The following TUBGCP4 variants were observed in gnomAD, a reference collection of about 807,000 sequenced individuals.
The protein encoded by TUBGCP4 is tubulin gamma complex component 4.
A neutral mutation model predicts 91.6 loss-of-function variants in TUBGCP4; 54 were observed. The ratio of observed to expected loss-of-function variants is 0.59; its 90% confidence interval spans 0.47 to 0.74. The LOEUF (loss-of-function observed/expected upper bound fraction) is 0.74. Among genes scored for constraint, TUBGCP4 ranks in the 30% least tolerant of loss-of-function variants. The probability of loss-of-function intolerance (pLI) is 0.00; values close to 1 mark genes in which losing one functional copy is unlikely to be tolerated. For synonymous variants in TUBGCP4, 297 were observed against 302.8 expected (o/e 0.98, Z 0.20); for missense variants, 593 against 800.9 (o/e 0.74, Z 3.13).
chr15:43,400,317 T>A (rs1361319039), intron 14 of TUBGCP4, 96 bp downstream of exon 14: 2 of 1,009,894 alleles, frequency 2.0e-6, no homozygotes, highest in Non-Finnish European at 2.8e-6. Flanking sequence ...TTCTATTTGA[T>A]AAAATGGTGG....
At chr15:43,397,980 T>C (rs1264383587) in intron 12 of TUBGCP4, 61 bp from the exon 13 acceptor site, 1 of 1,536,146 alleles carries the variant, frequency 6.5e-7, no homozygotes, top group African/African-American at 1.4e-5. Context: ...TTGTTGAGTC[T>C]CTGGTTCTAG....
At chr15:43,393,036 G>A (rs1595492356) in intron 9 of TUBGCP4, among the ~76,000 whole-genome samples, 4 of 152,266 alleles carry the variant, frequency 2.6e-5, no homozygotes, top group Admixed American at 2.0e-4. Flanking sequence ...CATACAGTAT[G>A]CACTCTTTTG....
chr15:43,408,644 T>C lies in TUBGCP4; in HGVS notation c.*3430T>C. The C allele has an allele frequency of 4.2e-6, 2 of 478,444 alleles. No individual in the cohort carries two copies. Among genetic ancestry groups the C allele is most frequent in the Non-Finnish European group, 7.6e-6 (2 of 262,964 alleles). The allele number at this position is 478,444 out of a possible 1,614,324, so 29.6% of individuals were successfully genotyped here. A position where few individuals can be genotyped will look rare whatever the true frequency, so the allele number is the denominator to read the frequency against. ...TATATTTTTAATGCTTGCTTAAAACTTAGTTCTCTGACTTTACAGGTTGAG... is the reference window on the plus strand; with the variant it reads ...TATATTTTTAATGCTTGCTTAAAACCTAGTTCTCTGACTTTACAGGTTGAG... On this transcript the variant is annotated 3_prime_UTR_variant, in exon 18 of 18. Coordinates refer to ENST00000564079, the MANE Select transcript of TUBGCP4 (RefSeq NM_014444.5).
chr15:43,404,989 G>C (rs1322545607), intron 17 of TUBGCP4: 2 of 581,870 alleles, frequency 3.4e-6, no homozygotes, highest in Non-Finnish European at 6.0e-6. Flanking sequence ...CCAGAGGTCT[G>C]TCATTCCCAT....
chr15:43,397,409 A>G (rs2044599839), intron 12 of TUBGCP4, 88 bp downstream of exon 12: 2 of 1,009,650 alleles, frequency 2.0e-6, no homozygotes, highest in East Asian at 2.4e-5. Context: ...CACAGAAACC[A>G]TATGATTTTG....
Position 43,409,155 on chromosome 15 carries a change from A to G in TUBGCP4, c.*3941A>G. 6.6e-7 allele frequency: 1 copy of G among 1,519,064 alleles called. No homozygotes were observed. Among genetic ancestry groups the G allele is most frequent in the Non-Finnish European group, 9.1e-7 (1 of 1,099,400 alleles). 94.1% of individuals were successfully genotyped at this position (1,519,064 alleles called of 1,614,324 possible). On this transcript the variant is annotated 3_prime_UTR_variant, in exon 18 of 18. Transcript: ENST00000564079. ...TGACTTCTGTGGAAAGCTCCTAAGC[A>G]GCAGCCATAATGAGCCATGAAGAGC...
intron 9 of TUBGCP4, among the ~76,000 whole-genome samples, chr15:43,387,360 G>A (rs746511851): frequency 3.9e-5 from 6 of 152,344 alleles, no homozygotes; most frequent in Non-Finnish European, 5.9e-5. Flanking sequence ...TTGTCTCATG[G>A]ATATGTGATA....
chr15:43,375,945 G>A (rs1335609882), intron 1 of TUBGCP4, among the ~76,000 whole-genome samples, 153 bp from the exon 2 acceptor site: 1 of 152,222 alleles, frequency 6.6e-6, no homozygotes, highest in Admixed American at 6.5e-5. Flanking sequence ...CCCCTTTGAA[G>A]TGCTTTGGAA....
intron 6 of TUBGCP4, 121 bp downstream of exon 6, chr15:43,380,284 A>G (rs2044268312): frequency 3.3e-6 from 3 of 897,990 alleles, no homozygotes; most frequent in Non-Finnish European, 5.2e-6. Context: ...TAACCAGGAT[A>G]GAAAAAGCTC....
In TUBGCP4 at chr15:43,406,650, A is replaced by C. The variant is rs1358260740; in HGVS notation, c.*1436A>C. On this transcript the variant is annotated 3_prime_UTR_variant, in exon 18 of 18. Coordinates refer to ENST00000564079, the MANE Select transcript of TUBGCP4 (RefSeq NM_014444.5). ...TTAGAGAATGAGAAGCCATGCAGGG[A>C]TCAGTGATGCCAGAGGAAGGGAAGG... 3 of 455,416 alleles carry C rather than the reference A, an allele frequency of 6.6e-6. No individual in the cohort carries two copies. Among genetic ancestry groups the C allele is most frequent in the Non-Finnish European group, 1.3e-5 (3 of 226,580 alleles). 28.2% of individuals were successfully genotyped at this position (455,416 alleles called of 1,614,324 possible). A position where few individuals can be genotyped will look rare whatever the true frequency, so the allele number is the denominator to read the frequency against.
At chr15:43,392,635 G>T (rs1239961518) in intron 9 of TUBGCP4, among the ~76,000 whole-genome samples, 1 of 151,736 alleles carries the variant, frequency 6.6e-6, no homozygotes, top group Non-Finnish European at 1.5e-5. Context: ...AGTAGCTGGG[G>T]TTACAGGCAT....
Position 43,407,630 on chromosome 15 carries a change from A to G in TUBGCP4, c.*2416A>G, listed in dbSNP as rs1263718353. 2 of 1,505,028 alleles carry G rather than the reference A, an allele frequency of 1.3e-6. No homozygotes were observed. Among genetic ancestry groups the G allele is most frequent in the Admixed American group, 2.0e-5 (1 of 50,026 alleles). The allele number at this position is 1,505,028 out of a possible 1,614,324, so 93.2% of individuals were successfully genotyped here. A position where few individuals can be genotyped will look rare whatever the true frequency, so the allele number is the denominator to read the frequency against. On this transcript the variant is annotated 3_prime_UTR_variant, in exon 18 of 18. Coordinates refer to ENST00000564079, the MANE Select transcript of TUBGCP4 (RefSeq NM_014444.5). ...ACACTCAACTTAGCCCTCCATTAGA[A>G]AGAGAGATTTGATTCTAACCAATAC...
intron 15 of TUBGCP4, 198 bp downstream of exon 15, chr15:43,402,048 G>A (rs1280878656): frequency 9.5e-6 from 5 of 524,756 alleles, no homozygotes; most frequent in South Asian, 9.3e-5. Context: ...CGAGGTGGGC[G>A]GATCACAAGG....
At position 43,371,439 on chromosome 15, in the gene TUBGCP4, T is replaced by G; in HGVS notation, c.78+7T>G. 1 of 1,613,754 alleles carries G rather than the reference T, an allele frequency of 6.2e-7. No individual in the cohort carries two copies. The highest frequency in any genetic ancestry group is 8.5e-7 in the Non-Finnish European group (1 of 1,179,892). On this transcript the variant is annotated splice_region_variant and intron_variant, in intron 1 of 17. Transcript: ENST00000564079. Reference sequence around the variant, plus strand: ...CAAGCGGAGTGGCCTGCAGGTACTGTCCGGCGCAGAGCGCGGGAACCAGGG... The same window carrying G: ...CAAGCGGAGTGGCCTGCAGGTACTGGCCGGCGCAGAGCGCGGGAACCAGGG...
At position 43,393,355 on chromosome 15, in the gene TUBGCP4, A is replaced by G. The variant is rs931806032; in HGVS notation, c.1015-1752A>G. ...CTCCCGAGCAGCTGGGATTACAGGC[A>G]CCCGCCACCACGCCCAGCCAGTTTT... On this transcript the variant is annotated intron_variant, in intron 9 of 17. Transcript: ENST00000564079. 1.5e-4 allele frequency among the ~76,000 whole-genome samples: 23 copies of G among 151,028 alleles called. No homozygotes were observed. In the East Asian group the frequency reaches 2.5e-3, roughly 17 times the overall value.
intron 1 of TUBGCP4, among the ~76,000 whole-genome samples, chr15:43,373,683 C>G (rs557004668): frequency 9.6e-5 from 14 of 145,196 alleles, no homozygotes; most frequent in Non-Finnish European, 1.8e-4. Flanking sequence ...GAGTCTCGCT[C>G]TGTCGCCCAG....
At position 43,407,860 on chromosome 15, in the gene TUBGCP4, T is replaced by C; in HGVS notation, c.*2646T>C. ...ATGGATACGGTCAACCTATTAGGCC[T>C]GAGCCTTGGACCACAAGGCCTAACA... On this transcript the variant is annotated 3_prime_UTR_variant, in exon 18 of 18. Coordinates refer to ENST00000564079, the MANE Select transcript of TUBGCP4 (RefSeq NM_014444.5). The C allele has an allele frequency of 1.4e-6, 2 of 1,398,934 alleles. No individual in the cohort carries two copies. Among genetic ancestry groups the C allele is most frequent in the Non-Finnish European group, 1.9e-6 (2 of 1,033,184 alleles). The allele number at this position is 1,398,934 out of a possible 1,614,324, so 86.7% of individuals were successfully genotyped here.
chr15:43,409,046 G>T lies in TUBGCP4; in HGVS notation c.*3832G>T, dbSNP rs1370142353. The T allele has an allele frequency of 1.2e-6, 2 of 1,614,100 alleles. No individual in the cohort carries two copies. Among genetic ancestry groups the T allele is most frequent in the Non-Finnish European group, 1.7e-6 (2 of 1,180,054 alleles). ...TGGCAAGGCACAGGAAGTACTTCCG[G>T]GTTCGACAATGCTGATCCGCAATTA... On this transcript the variant is annotated 3_prime_UTR_variant, in exon 18 of 18. Transcript: ENST00000564079.
intron 6 of TUBGCP4, among the ~76,000 whole-genome samples, chr15:43,382,203 C>A (rs1344985632): frequency 3.4e-5 from 5 of 147,514 alleles, no homozygotes; most frequent in African/African-American, 1.3e-4. Flanking sequence ...CAGAGTGAGA[C>A]CCTGTCTCAA....
Sources: allele counts gnomAD v4.1 joint callset (sites outside exome capture counted in the v4.1 genomes callset), GRCh38; gene constraint gnomAD v4.1.1; transcripts MANE v1.5; gene names NCBI Gene and HGNC (gene_info 2026-07-23, HGNC 2026-07-21).